SAMD3: variants seen among roughly 807,000 people sequenced by gnomAD.
SAMD3 encodes the protein sterile alpha motif domain containing 3, also known as sterile alpha motif domain-containing protein 3.
A neutral mutation model predicts 58.5 loss-of-function variants in SAMD3; 63 were observed. The ratio of observed to expected loss-of-function variants is 1.08; its 90% CI spans 0.88 to 1.33. SAMD3 has a LOEUF of 1.33. SAMD3 is among the 40% of genes most tolerant of loss of function. SAMD3 has a pLI of 0.00. For synonymous variants in SAMD3, 220 were observed against 210.3 expected, an observed-to-expected ratio of 1.05 and a Z score of -0.40; for missense variants, 604 against 608.4, an observed-to-expected ratio of 0.99 and a Z score of 0.08.
intron 1 of SAMD3, among the ~76,000 whole-genome samples, chr6:130,355,665 A>G (rs528068310): frequency 6.6e-6 from 1 of 152,284 alleles, no homozygotes; most frequent in African/African-American, 2.4e-5. Flanking sequence ...CAGGCAATAA[A>G]AGAAAATTGT....
chr6:130,215,556 G>T, intron 2 of SAMD3: 1 of 1,328,558 alleles, frequency 7.5e-7, no homozygotes, highest in Non-Finnish European at 9.6e-7. Context: ...TTTTTCCACA[G>T]GCATCTCTAA....
At chr6:130,302,890 A>C (rs866785182) in intron 2 of SAMD3, among the ~76,000 whole-genome samples, 2 of 152,322 alleles carry the variant, frequency 1.3e-5, no homozygotes, top group Middle Eastern at 6.8e-3. Flanking sequence ...GTGAACATAA[A>C]GATGGAAACA....
intron 1 of SAMD3, among the ~76,000 whole-genome samples, chr6:130,327,158 T>C (rs936235501): frequency 6.6e-6 from 1 of 152,138 alleles, no homozygotes; most frequent in African/African-American, 2.4e-5. Context: ...CCCCGGGACA[T>C]GAAGTTTATA....
chr6:130,286,303 A>T (rs931693582), intron 2 of SAMD3: 3 of 152,392 alleles, frequency 2.0e-5, no homozygotes, highest in Admixed American at 2.0e-4. Context: ...CAATTAAGGT[A>T]GGAGAGAGGC....
intron 2 of SAMD3, among the ~76,000 whole-genome samples, chr6:130,285,904 A>G (rs1290642001): frequency 6.6e-6 from 1 of 152,182 alleles, no homozygotes; most frequent in African/African-American, 2.4e-5. Flanking sequence ...TAGGACCTTG[A>G]AGACTTTTGA....
intron 2 of SAMD3, among the ~76,000 whole-genome samples, chr6:130,241,472 C>T (rs1773357056): frequency 6.6e-6 from 1 of 152,052 alleles, no homozygotes; most frequent in Admixed American, 6.6e-5. Context: ...CCTTGGTCTG[C>T]CAAAGTGCTA....
At chr6:130,255,317 A>C (rs1773886915) in intron 2 of SAMD3, among the ~76,000 whole-genome samples, 1 of 152,180 alleles carries the variant, frequency 6.6e-6, no homozygotes, top group Non-Finnish European at 1.5e-5. Context: ...GGTCCATTTG[A>C]TCTAAAGCAT....
rs545355964 is a variant in SAMD3, at chr6:130,171,047, T to G, written c.822+4794A>C. 6.4e-4 allele frequency among the ~76,000 whole-genome samples: 97 copies of G among 152,344 alleles called. 1 individual carries two copies. Among genetic ancestry groups the G allele is most frequent in the Admixed American group, 5.2e-3 (79 of 15,308 alleles). On this transcript the variant is annotated intron_variant, in intron 8 of 11. Coordinates refer to ENST00000439090, the MANE Select transcript of SAMD3 (RefSeq NM_001017373.4). The stretch of plus-strand genomic sequence containing the variant: ...TTTTCAAAGGGAATGCTTCCAGCTT[T>G]TGCCCATTCAGTGTGATGTTGGCTA...
intron 5 of SAMD3, among the ~76,000 whole-genome samples, chr6:130,201,489 T>C (rs1300649330): frequency 6.6e-6 from 1 of 152,190 alleles, no homozygotes; most frequent in African/African-American, 2.4e-5. Flanking sequence ...TTTAACAAGA[T>C]TCCTCAGTGT....
In SAMD3 at chr6:130,271,508, T is replaced by C. The variant is rs140056276; in HGVS notation, c.-188+41470A>G. On this transcript the variant is annotated intron_variant, in intron 2 of 13. Coordinates refer to the SAMD3 transcript ENST00000368134. The stretch of plus-strand genomic sequence containing the variant: ...TTTCCTTTGTCCATAATCTATCCAG[T>C]GTTTTTTAAATTGTTGATTTGTAAA... Among the ~76,000 whole-genome samples, 318 of 152,356 alleles carry C rather than the reference T, an allele frequency of 2.1e-3. 1 individual carries two copies. Among genetic ancestry groups the C allele is most frequent in the African/African-American group, 7.3e-3 (305 of 41,586 alleles).
intron 2 of SAMD3, among the ~76,000 whole-genome samples, chr6:130,309,968 A>G (rs1398819): frequency 0.15 from 22,254 of 152,244 alleles, 2,061 homozygotes; most frequent in East Asian, 0.36. Context: ...TGCAATTTAC[A>G]AAATTACAGG....
intron 8 of SAMD3, among the ~76,000 whole-genome samples, chr6:130,173,547 G>A (rs1294600152): frequency 6.6e-6 from 1 of 152,216 alleles, no homozygotes; most frequent in Non-Finnish European, 1.5e-5. Flanking sequence ...TCCTTCCTCT[G>A]GAAGCTTCGT....
intron 7 of SAMD3, among the ~76,000 whole-genome samples, chr6:130,182,633 G>A (rs1364397184): frequency 3.3e-5 from 5 of 149,640 alleles, no homozygotes; most frequent in African/African-American, 1.2e-4. Context: ...GAAGGAGGGA[G>A]GGGAGGGAGG....
chr6:130,326,552 T>C (rs1407989078), intron 1 of SAMD3, among the ~76,000 whole-genome samples: 4 of 152,202 alleles, frequency 2.6e-5, no homozygotes, highest in African/African-American at 9.6e-5. Context: ...TTCATCTGTC[T>C]GGCTTTCTCT....
intron 2 of SAMD3, among the ~76,000 whole-genome samples, chr6:130,280,118 G>A (rs569760982): frequency 5.8e-4 from 88 of 152,150 alleles, no homozygotes; most frequent in African/African-American, 1.9e-3. Context: ...TTTCTGTTGT[G>A]TTGTTTTTCA....
chr6:130,325,116 T>C (rs1394760399), intron 1 of SAMD3, among the ~76,000 whole-genome samples: 1 of 152,168 alleles, frequency 6.6e-6, no homozygotes, highest in African/African-American at 2.4e-5. Flanking sequence ...TTAGCAGAAA[T>C]CTCATTGTAG....
intron 1 of SAMD3, among the ~76,000 whole-genome samples, chr6:130,331,489 G>A (rs756380328): frequency 3.3e-5 from 5 of 152,140 alleles, no homozygotes; most frequent in South Asian, 2.1e-4. Flanking sequence ...TTGGGAGGCC[G>A]AGGAGGGCAG....
At chr6:130,336,819 A>T (rs1198538104) in intron 1 of SAMD3, among the ~76,000 whole-genome samples, 1 of 152,170 alleles carries the variant, frequency 6.6e-6, no homozygotes, top group Non-Finnish European at 1.5e-5. Context: ...TGGAATTTGC[A>T]CCTTGCTACA....
At chr6:130,322,388 G>C (rs918147188) in intron 1 of SAMD3, among the ~76,000 whole-genome samples, 1 of 152,248 alleles carries the variant, frequency 6.6e-6, no homozygotes, top group African/African-American at 2.4e-5. Context: ...GGACGAGTAA[G>C]AGCAGAAGGT....
Sources: allele counts gnomAD v4.1 joint callset (sites outside exome capture counted in the v4.1 genomes callset), GRCh38; gene constraint gnomAD v4.1.1; transcripts MANE v1.5; gene names NCBI Gene and HGNC (gene_info 2026-07-23, HGNC 2026-07-21).